SMOX: variants seen among roughly 807,000 people sequenced by gnomAD.
The protein encoded by SMOX is flavin containing amine oxidase.
SMOX carries 22 observed loss-of-function variants against 51.0 expected under a neutral mutation model. That is an observed-to-expected ratio of 0.43 (90% CI 0.31 to 0.62). The LOEUF is 0.62. Among genes scored for constraint, SMOX ranks in the 20% least tolerant of loss-of-function variants. SMOX has a pLI of 0.10. For synonymous variants in SMOX, 282 were observed against 307.8 expected, an observed-to-expected ratio of 0.92 and a Z score of 0.88; for missense variants, 566 against 777.7, an observed-to-expected ratio of 0.73 and a Z score of 3.24.
At chr20:4,176,884 C>T (rs1435669439) in intron 2 of SMOX, among the ~76,000 whole-genome samples, 3 of 152,178 alleles carry the variant, frequency 2.0e-5, no homozygotes, top group Admixed American at 1.3e-4. Flanking sequence ...GACTTCTCTC[C>T]TGCCCTATGC....
intron 1 of SMOX, among the ~76,000 whole-genome samples, chr20:4,161,849 G>T (rs1986339698): frequency 1.3e-5 from 2 of 152,206 alleles, no homozygotes; most frequent in African/African-American, 2.4e-5. Flanking sequence ...TCTGTCCCCT[G>T]CTACTCCCGT....
rs1363634979 is a variant in SMOX at position 4,172,789 on chromosome 20, G to A, written c.-26-2241G>A. 2.0e-5 allele frequency among the ~76,000 whole-genome samples: 3 copies of A among 148,226 alleles called. No homozygotes were observed. The highest frequency in any genetic ancestry group is 7.5e-5 in the African/African-American group (3 of 40,212). ...AGGGGGACTTGGAGGGATTTTAGGGGCTGGAGGGTGGGTGGGTGGGAGGGG... is the reference window on the plus strand; with the variant it reads ...AGGGGGACTTGGAGGGATTTTAGGGACTGGAGGGTGGGTGGGTGGGAGGGG... On this transcript the variant is annotated intron_variant, in intron 1 of 6. Coordinates refer to ENST00000305958, the MANE Select transcript of SMOX (RefSeq NM_175839.3). The surrounding 1 kb of genome is among the most constrained non-coding windows in gnomAD (Gnocchi z 7.7).
At chr20:4,186,399 C>T (rs549778454) in intron 6 of SMOX, among the ~76,000 whole-genome samples, 1 of 152,208 alleles carries the variant, frequency 6.6e-6, no homozygotes, top group African/African-American at 2.4e-5. Flanking sequence ...AGTCCAAATG[C>T]AAACTTGGGG....
Position 4,177,604 on chromosome 20 carries a change from G to T in SMOX, c.435+27G>T. ...TAAGGTGTGAGCAGAGTAGCTGGGC[G>T]TAAGGGCATGGGGAGACCTGGGAGG... On this transcript the variant is annotated intron_variant, in intron 3 of 6. Coordinates refer to ENST00000305958, the MANE Select transcript of SMOX (RefSeq NM_175839.3). This position sits in a 1 kb window ranked among gnomAD's most constrained non-coding sequence, Gnocchi z 4.3. 1.3e-6 allele frequency: 2 copies of T among 1,556,550 alleles called. No homozygotes were observed. Among genetic ancestry groups the T allele is most frequent in the Non-Finnish European group, 1.7e-6 (2 of 1,149,092 alleles).
chr20:4,174,824 C>T (rs1185913657), intron 1 of SMOX, among the ~76,000 whole-genome samples: 1 of 152,150 alleles, frequency 6.6e-6, no homozygotes, highest in East Asian at 1.9e-4. Context: ...TCCCTTCCTG[C>T]CACCTTCCCT....
chr20:4,155,683 AC>A (rs1294765362), intron 1 of SMOX, among the ~76,000 whole-genome samples: 9 of 152,076 alleles, frequency 5.9e-5, no homozygotes, highest in Non-Finnish European at 1.2e-4. Context: ...CTTGGAAAAA[AC>A]CATCCGGGTT....
In SMOX at chr20:4,149,333, G is replaced by A. The variant is rs1985607765; in HGVS notation, c.-27+356G>A. Among the ~76,000 whole-genome samples the A allele has an allele frequency of 1.3e-5, 2 of 151,616 alleles. No individual in the cohort carries two copies. Among genetic ancestry groups the A allele is most frequent in the African/African-American group, 4.8e-5 (2 of 41,356 alleles). On this transcript the variant is annotated intron_variant, in intron 1 of 6. Coordinates refer to ENST00000305958, the MANE Select transcript of SMOX (RefSeq NM_175839.3). This position sits in a 1 kb window ranked among gnomAD's most constrained non-coding sequence, Gnocchi z 6.0. The stretch of plus-strand genomic sequence containing the variant: ...CTACGTGCGGGAGGGGAGCGTCCCG[G>A]GCGCCCTGCAGGCGCGCTCCGTGGG...
chr20:4,172,611 C>G lies in SMOX; in HGVS notation c.-26-2419C>G, dbSNP rs546747618. ...GCCCTGCTCCCGGCGTGGCCTCATC[C>G]CCAGCGAAAGCGCGACACCCGCTGT... On this transcript the variant is annotated intron_variant, in intron 1 of 6. Transcript: ENST00000305958. This position sits in a 1 kb window ranked among gnomAD's most constrained non-coding sequence, Gnocchi z 7.7. Among the ~76,000 whole-genome samples the G allele has an allele frequency of 2.6e-5, 4 of 152,142 alleles. No individual in the cohort carries two copies. The highest frequency in any genetic ancestry group is 1.9e-4 in the East Asian group (1 of 5,156).
rs1317101033 is a variant in SMOX, at chr20:4,167,126, G to A, written c.-26-7904G>A. 6.6e-6 allele frequency among the ~76,000 whole-genome samples: 1 copy of A among 152,204 alleles called. No individual in the cohort carries two copies. The highest frequency in any genetic ancestry group is 1.5e-5 in the Non-Finnish European group (1 of 68,038). Reference sequence around the variant, plus strand: ...GATGCCCCTTCCCCTCAACAATGGGGAGGATGGTCAGGCTGAGTCAGGATT... The same window carrying A: ...GATGCCCCTTCCCCTCAACAATGGGAAGGATGGTCAGGCTGAGTCAGGATT... On this transcript the variant is annotated intron_variant, in intron 1 of 6. Transcript: ENST00000305958. This position sits in a 1 kb window ranked among gnomAD's most constrained non-coding sequence, Gnocchi z 4.8.
At chr20:4,157,611 TGGCAGCCCACAGAAGGTTTTGA>T (rs1986075043) in intron 1 of SMOX, among the ~76,000 whole-genome samples, 1 of 152,078 alleles carries the variant, frequency 6.6e-6, no homozygotes, top group African/African-American at 2.4e-5. Flanking sequence ...CACTGGGCTG[TGGCAGCCCACAGAAGGTTTTGA>T]GCAGGGCAGT....
At position 4,149,780 on chromosome 20, in the gene SMOX, C is replaced by A. The variant is rs546092792; in HGVS notation, c.-27+803C>A. On this transcript the variant is annotated intron_variant, in intron 1 of 6. Transcript: ENST00000305958. This position sits in a 1 kb window ranked among gnomAD's most constrained non-coding sequence, Gnocchi z 6.0. The stretch of plus-strand genomic sequence containing the variant: ...TGCCCGGCACGTATAGTGAGAGGTG[C>A]CCACAGGTTGTTTGCAGAACCTGCT... 4.6e-5 allele frequency among the ~76,000 whole-genome samples: 7 copies of A among 152,202 alleles called. No individual in the cohort carries two copies. The highest frequency in any genetic ancestry group is 8.8e-5 in the Non-Finnish European group (6 of 68,026).
intron 6 of SMOX, among the ~76,000 whole-genome samples, chr20:4,186,504 C>G (rs964286483): frequency 2.0e-5 from 3 of 152,284 alleles, no homozygotes; most frequent in African/African-American, 7.2e-5. Context: ...GTCCCCCGAG[C>G]AAGGCCTGCT....
chr20:4,183,758 C>A lies in SMOX; in HGVS notation c.1530+104C>A. The A allele has an allele frequency of 7.6e-7, 1 of 1,310,958 alleles. No homozygotes were observed. The highest frequency in any genetic ancestry group is 1.0e-6 in the Non-Finnish European group (1 of 998,970). The allele number at this position is 1,310,958 out of a possible 1,614,324, so 81.2% of individuals were successfully genotyped here. On this transcript the variant is annotated intron_variant, in intron 6 of 6. Coordinates refer to ENST00000305958, the MANE Select transcript of SMOX (RefSeq NM_175839.3). This position sits in a 1 kb window ranked among gnomAD's most constrained non-coding sequence, Gnocchi z 4.3. The stretch of plus-strand genomic sequence containing the variant: ...AGGGTAGTGTTCACTAAGGGGTGCT[C>A]AGGTGAGGCAGGGATGGAGTAGCTT...
chr20:4,152,120 A>G (rs1001997302), intron 1 of SMOX, among the ~76,000 whole-genome samples: 1 of 152,198 alleles, frequency 6.6e-6, no homozygotes, highest in Non-Finnish European at 1.5e-5. Context: ...GCAGGGCTGT[A>G]TGCCGAGGGC....
intron 6 of SMOX, among the ~76,000 whole-genome samples, chr20:4,185,641 G>A (rs1338288983): frequency 2.0e-5 from 2 of 98,638 alleles, no homozygotes; most frequent in Non-Finnish European, 3.5e-5. Context: ...AACCCCTGGC[G>A]CCCTAAACAC....
At chr20:4,155,926 C>G (rs561832952) in intron 1 of SMOX, among the ~76,000 whole-genome samples, 1 of 152,264 alleles carries the variant, frequency 6.6e-6, no homozygotes, top group Non-Finnish European at 1.5e-5. Context: ...CTGAGCTCCC[C>G]AGATATCCCA....
chr20:4,169,984 C>T (rs946585843), intron 1 of SMOX, among the ~76,000 whole-genome samples: 3 of 151,994 alleles, frequency 2.0e-5, no homozygotes, highest in African/African-American at 7.3e-5. Flanking sequence ...CCAGCTGGGT[C>T]CAGAGGGCAA....
chr20:4,181,241 G>A lies in SMOX; in HGVS notation c.436-562G>A, dbSNP rs751061439. Among the ~76,000 whole-genome samples the A allele has an allele frequency of 1.3e-5, 2 of 152,050 alleles. No homozygotes were observed. The highest frequency in any genetic ancestry group is 4.8e-5 in the African/African-American group (2 of 41,394). Reference sequence around the variant, plus strand: ...CCACTGCGTCTCAGCTTCCTTACTCGTGGCTGAGGCCTGAAGCAAAGGGGG... The same window carrying A: ...CCACTGCGTCTCAGCTTCCTTACTCATGGCTGAGGCCTGAAGCAAAGGGGG... On this transcript the variant is annotated intron_variant, in intron 3 of 6. Coordinates refer to ENST00000305958, the MANE Select transcript of SMOX (RefSeq NM_175839.3). This position sits in a 1 kb window ranked among gnomAD's most constrained non-coding sequence, Gnocchi z 5.6.
chr20:4,177,336 T>C lies in SMOX; in HGVS notation c.209-15T>C. ...AGTCCCTAAGCCTCTAAGGGCCTGC[T>C]GTTGTCACCCTCAGGACACGCCACC... On this transcript the variant is annotated splice_polypyrimidine_tract_variant and intron_variant, in intron 2 of 6. Coordinates refer to ENST00000305958, the MANE Select transcript of SMOX (RefSeq NM_175839.3). The surrounding 1 kb of genome is among the most constrained non-coding windows in gnomAD (Gnocchi z 4.3). The C allele has an allele frequency of 6.4e-7, 1 of 1,550,940 alleles. No homozygotes were observed. Among genetic ancestry groups the C allele is most frequent in the Non-Finnish European group, 8.7e-7 (1 of 1,146,358 alleles).
Sources: gnomAD v4.1 joint callset for allele counts (sites outside exome capture counted in the v4.1 genomes callset) on GRCh38, gnomAD v4.1.1 for gene constraint, Gnocchi (gnomAD v3.1) non-coding constraint, MANE v1.5 for transcripts, NCBI Gene and HGNC (gene_info 2026-07-23, HGNC 2026-07-21) for gene names.